VIPR2: variants seen among roughly 807,000 people sequenced by gnomAD.
The protein encoded by VIPR2 is vasoactive intestinal polypeptide receptor 2.
In VIPR2, 48 loss-of-function variants were observed where a neutral mutation model predicts 58.0. That is an observed-to-expected ratio of 0.83 (90% CI 0.66 to 1.05). The LOEUF is 1.05. Among genes scored for constraint, VIPR2 ranks in the 50% least tolerant of loss-of-function variants. VIPR2 has a pLI of 0.00. For missense variants in VIPR2, 534 were observed against 558.0 expected (o/e 0.96, Z 0.43); for synonymous variants, 243 against 235.2 (o/e 1.03, Z -0.30).
rs1364025414 is a variant in VIPR2 at position 159,030,252 on chromosome 7, A to C, written c.*364T>G. On this transcript the variant is annotated 3_prime_UTR_variant, in exon 13 of 13. Transcript: ENST00000262178. ...CCCAGCTATGGGAGGCTGAGGCAGG[A>C]GAATGGCGTGAACCCGGGAGGCGGA... is the stretch of plus-strand genomic sequence containing the variant. 1.4e-5 allele frequency: 3 copies of C among 212,910 alleles called. No homozygotes were observed. The highest frequency in any genetic ancestry group is 6.1e-5 in the Admixed American group (1 of 16,408). 13.2% of individuals were successfully genotyped at this position (212,910 alleles called of 1,614,324 possible).
Position 159,084,585 on chromosome 7 carries a change from G to A in VIPR2, c.357+19172C>T, listed in dbSNP as rs1313906737. Among the ~76,000 whole-genome samples, 3 of 152,142 alleles carry A rather than the reference G, an allele frequency of 2.0e-5. 1 individual carries two copies. The highest frequency in any genetic ancestry group is 2.0e-4 in the Admixed American group (3 of 15,284). On this transcript the variant is annotated intron_variant, in intron 4 of 12. Transcript: ENST00000262178. The stretch of plus-strand genomic sequence containing the variant: ...GGGCACTATGCCTGTGCAATGGCAG[G>A]CAAGGTCAGTCCCTGGTCAGTGTCT...
chr7:159,035,577 G>A (rs1013332941), intron 8 of VIPR2, among the ~76,000 whole-genome samples: 4 of 152,150 alleles, frequency 2.6e-5, no homozygotes, highest in Admixed American at 1.3e-4. Context: ...AGGAAGTGCC[G>A]GGGGGCCCTG....
In VIPR2 at chr7:159,031,694, G is replaced by C; in HGVS notation, c.1143+134C>G. 1.3e-6 allele frequency: 2 copies of C among 1,538,618 alleles called. No homozygotes were observed. The highest frequency in any genetic ancestry group is 1.2e-5 in the South Asian group (1 of 80,628). On this transcript the variant is annotated intron_variant, in intron 12 of 12. Coordinates refer to ENST00000262178, the MANE Select transcript of VIPR2 (RefSeq NM_003382.5). The surrounding 1 kb of genome is among the most constrained non-coding windows in gnomAD (Gnocchi z 4.0). ...TTGTGGGTTCTCTGATGGGGACACA[G>C]AACTGTGGGGTCCCGGGCAGTAACT...
intron 2 of VIPR2, among the ~76,000 whole-genome samples, chr7:159,138,077 G>C (rs1276674561): frequency 1.3e-5 from 2 of 152,184 alleles, no homozygotes; most frequent in African/African-American, 2.4e-5. Context: ...TGAGGACCAC[G>C]AACAGCGAGC....
At chr7:159,089,443 A>G (rs1467765693) in intron 4 of VIPR2, among the ~76,000 whole-genome samples, 2 of 151,130 alleles carry the variant, frequency 1.3e-5, no homozygotes, top group Admixed American at 6.6e-5. Flanking sequence ...CATCTGTGGA[A>G]TGGGAATAGC....
chr7:159,037,719 C>T (rs1369030874), intron 6 of VIPR2, among the ~76,000 whole-genome samples: 1 of 151,840 alleles, frequency 6.6e-6, no homozygotes, highest in Non-Finnish European at 1.5e-5. Flanking sequence ...CTATTTTAAT[C>T]TCTCAGACCT....
intron 5 of VIPR2, among the ~76,000 whole-genome samples, chr7:159,056,114 G>C (rs1855314459): frequency 6.6e-6 from 1 of 152,196 alleles, no homozygotes; most frequent in African/African-American, 2.4e-5. Context: ...GAGAAACTGG[G>C]TCAGTGGCAG....
chr7:159,030,886 G>C, intron 12 of VIPR2, 97 bp from the exon 13 acceptor site: 1 of 1,366,908 alleles, frequency 7.3e-7, no homozygotes, highest in African/African-American at 1.5e-5. Context: ...TCTCCCTCCC[G>C]CCTGCTCCCG....
intron 5 of VIPR2, among the ~76,000 whole-genome samples, chr7:159,056,433 A>G (rs1305889226): frequency 6.6e-6 from 1 of 152,194 alleles, no homozygotes; most frequent in Non-Finnish European, 1.5e-5. Context: ...GAAGTGGACC[A>G]TGCAGTTCAA....
intron 2 of VIPR2, among the ~76,000 whole-genome samples, chr7:159,140,925 T>C (rs1025460336): frequency 2.7e-5 from 4 of 147,532 alleles, no homozygotes; most frequent in African/African-American, 8.0e-5. Flanking sequence ...GGCTCCAGGC[T>C]CCCTCAAAAT....
chr7:159,038,543 T>C (rs1409935700), intron 6 of VIPR2, among the ~76,000 whole-genome samples: 1 of 152,180 alleles, frequency 6.6e-6, no homozygotes, highest in Non-Finnish European at 1.5e-5. Context: ...ATTTGTGACT[T>C]ACTGCCACTC....
At chr7:159,042,328 C>T (rs1854402515) in intron 6 of VIPR2, among the ~76,000 whole-genome samples, 1 of 152,092 alleles carries the variant, frequency 6.6e-6, no homozygotes, top group South Asian at 2.1e-4. Flanking sequence ...ATGTGGAGTG[C>T]TCTGGGCCAG....
Position 159,130,195 on chromosome 7 carries a change from G to A in VIPR2, c.151+12251C>T, listed in dbSNP as rs543021141. Among the ~76,000 whole-genome samples the A allele has an allele frequency of 2.0e-5, 3 of 152,308 alleles. No homozygotes were observed. The East Asian group carries it at 5.8e-4, about 29-fold the overall frequency. On this transcript the variant is annotated intron_variant, in intron 2 of 12. Coordinates refer to ENST00000262178, the MANE Select transcript of VIPR2 (RefSeq NM_003382.5). ...ACTTTAGATGCCCTCAATTATTCCT[G>A]GGCTTAGGTCAAGCTAACTTCGAGA...
chr7:159,035,735 T>TGGC, intron 8 of VIPR2: 2 of 985,448 alleles, frequency 2.0e-6, no homozygotes, highest in Non-Finnish European at 2.4e-6. Context: ...CTGCAAAACC[T>TGGC]GGCTCACTTC....
intron 6 of VIPR2, among the ~76,000 whole-genome samples, chr7:159,039,446 C>A (rs1443597433): frequency 1.3e-5 from 2 of 152,172 alleles, no homozygotes; most frequent in Non-Finnish European, 2.9e-5. Context: ...CCACTGCACT[C>A]CAGCCTGGAA....
intron 4 of VIPR2, among the ~76,000 whole-genome samples, chr7:159,101,564 G>A (rs1235203109): frequency 9.0e-5 from 11 of 122,444 alleles, no homozygotes; most frequent in South Asian, 3.2e-4. Context: ...TGTTCCTGTG[G>A]TAGTGAACGG....
Position 159,114,429 on chromosome 7 carries a change from A to G in VIPR2, c.152-4510T>C, listed in dbSNP as rs762579407. On this transcript the variant is annotated intron_variant, in intron 2 of 12. Coordinates refer to ENST00000262178, the MANE Select transcript of VIPR2 (RefSeq NM_003382.5). Reference sequence around the variant, plus strand: ...ACAAACAAAAGTGCTCGGATAAGGCAGTCAGGGAAATGGGACTTGTTAAGC... The same window carrying G: ...ACAAACAAAAGTGCTCGGATAAGGCGGTCAGGGAAATGGGACTTGTTAAGC... 2.7e-4 allele frequency among the ~76,000 whole-genome samples: 41 copies of G among 152,202 alleles called. 1 individual carries two copies. The highest frequency in any genetic ancestry group is 2.2e-3 in the Admixed American group (34 of 15,278).
At chr7:159,100,240 G>A (rs1858123314) in intron 4 of VIPR2, among the ~76,000 whole-genome samples, 1 of 152,176 alleles carries the variant, frequency 6.6e-6, no homozygotes, top group Non-Finnish European at 1.5e-5. Context: ...CACCAGTGGG[G>A]AGCACACCTC....
At chr7:159,040,471 A>T (rs1228896460) in intron 6 of VIPR2, among the ~76,000 whole-genome samples, 3 of 152,238 alleles carry the variant, frequency 2.0e-5, no homozygotes, top group Non-Finnish European at 4.4e-5. Context: ...GCTGTGGCTG[A>T]TGGTGAGAAT....
Sources: allele counts gnomAD v4.1 joint callset (sites outside exome capture counted in the v4.1 genomes callset), GRCh38; gene constraint gnomAD v4.1.1; non-coding constraint Gnocchi (gnomAD v3.1); transcripts MANE v1.5; gene names NCBI Gene and HGNC (gene_info 2026-07-23, HGNC 2026-07-21).